Variants in FARP1 observed in about 807,000 individuals in gnomAD.
FARP1 encodes the protein FERM, ARHGEF and pleckstrin domain-containing protein 1.
FARP1 carries 52 observed loss-of-function variants against 128.8 expected under a neutral mutation model. The observed-to-expected ratio is 0.40, with a 90% CI of 0.32 to 0.51. The LOEUF is 0.51. Among genes scored for constraint, FARP1 ranks in the 20% least tolerant of loss-of-function variants. The pLI, the probability that FARP1 is intolerant of heterozygous loss-of-function variation, is 0.45. For missense variants in FARP1, 1,333 were observed against 1,367.9 expected (o/e 0.97, Z 0.40); for synonymous variants, 580 against 551.8 (o/e 1.05, Z -0.72).
rs146265799 is a variant in FARP1 at position 98,385,538 on chromosome 13, T to A, written c.612-129T>A. ...AGTGAATGGGAGATTGGGTGTCATC[T>A]GATCGGGTAGCCCCAGTGTTTGTGA... On this transcript the variant is annotated intron_variant, in intron 7 of 26. Coordinates refer to ENST00000319562, the MANE Select transcript of FARP1 (RefSeq NM_005766.4). 4.1e-6 allele frequency: 4 copies of A among 976,242 alleles called. No homozygotes were observed. The African/African-American group carries it at 4.9e-5, about 12-fold the overall frequency. The allele number at this position is 976,242 out of a possible 1,614,324, so 60.5% of individuals were successfully genotyped here.
intron 13 of FARP1, chr13:98,402,981 G>A (rs766416112): frequency 6.6e-6 from 1 of 152,034 alleles, no homozygotes; most frequent in Non-Finnish European, 1.5e-5. Flanking sequence ...TGTCTTGTCA[G>A]CATGTACCTA....
At chr13:98,439,242 G>A (rs1250234899) in intron 21 of FARP1, 46 bp downstream of exon 21, 1 of 1,359,496 alleles carries the variant, frequency 7.4e-7, no homozygotes, top group Admixed American at 1.9e-5. Flanking sequence ...CTCGGGGGCA[G>A]CAGGTGCGGG....
At chr13:98,155,636 A>C (rs560422513) in intron 1 of FARP1, among the ~76,000 whole-genome samples, 18 of 152,018 alleles carry the variant, frequency 1.2e-4, no homozygotes, top group Non-Finnish European at 2.4e-4. Flanking sequence ...CTTCCACTTC[A>C]GCCTCCCAAG....
intron 2 of FARP1, among the ~76,000 whole-genome samples, chr13:98,281,372 GAAA>G (rs35996699): frequency 1.3e-5 from 2 of 148,880 alleles, no homozygotes; most frequent in African/African-American, 5.0e-5. Context: ...GTCTTGGAGG[GAAA>G]AAAAAAAAAG....
intron 2 of FARP1, among the ~76,000 whole-genome samples, chr13:98,313,345 C>G: frequency 6.6e-6 from 1 of 150,822 alleles, no homozygotes; most frequent in African/African-American, 2.4e-5. Flanking sequence ...CACACCTGCA[C>G]AAACGTGCAG....
intron 3 of FARP1, among the ~76,000 whole-genome samples, chr13:98,362,687 G>C (rs1304165577): frequency 2.6e-5 from 4 of 152,306 alleles, no homozygotes; most frequent in African/African-American, 9.6e-5. Context: ...TCTCCTCTGA[G>C]CTCCAGATGA....
At chr13:98,263,778 G>C (rs1223696005) in intron 2 of FARP1, among the ~76,000 whole-genome samples, 1 of 152,114 alleles carries the variant, frequency 6.6e-6, no homozygotes, top group African/African-American at 2.4e-5. Context: ...TCTTAGAATT[G>C]ATCTCACATT....
At chr13:98,177,275 A>G (rs376569445) in intron 1 of FARP1, 7 of 1,480,416 alleles carry the variant, frequency 4.7e-6, no homozygotes, top group African/African-American at 2.8e-5. Flanking sequence ...GGCGTGCGTC[A>G]CCCTTGCGTC....
At chr13:98,269,024 G>T (rs1884269784) in intron 2 of FARP1, among the ~76,000 whole-genome samples, 1 of 152,124 alleles carries the variant, frequency 6.6e-6, no homozygotes, top group South Asian at 2.1e-4. Flanking sequence ...GAGCCATCAT[G>T]CCCAGCCTCT....
At chr13:98,247,088 G>A (rs1389622885) in intron 2 of FARP1, among the ~76,000 whole-genome samples, 1 of 152,188 alleles carries the variant, frequency 6.6e-6, no homozygotes, top group Admixed American at 6.5e-5. Context: ...TTAACTGGGC[G>A]TGATGGCGCA....
intron 24 of FARP1, among the ~76,000 whole-genome samples, chr13:98,442,637 C>T (rs780564468): frequency 1.4e-4 from 22 of 152,190 alleles, no homozygotes; most frequent in Admixed American, 5.9e-4. Context: ...CAGGCCTGTG[C>T]GCAAAGCTTG....
At chr13:98,167,422 T>TC (rs397791081) in intron 1 of FARP1, among the ~76,000 whole-genome samples, 45 of 150,762 alleles carry the variant, frequency 3.0e-4, no homozygotes, top group African/African-American at 1.1e-3. Context: ...TTTTTTTTTT[T>TC]GGAAACAGTC....
intron 1 of FARP1, among the ~76,000 whole-genome samples, chr13:98,179,554 C>T (rs2139195875): frequency 6.6e-6 from 1 of 152,214 alleles, no homozygotes; most frequent in East Asian, 1.9e-4. Context: ...AAGGGAAGGC[C>T]TTATAATTTG....
chr13:98,296,149 G>A (rs1257399048), intron 2 of FARP1, among the ~76,000 whole-genome samples: 1 of 152,136 alleles, frequency 6.6e-6, no homozygotes, highest in Non-Finnish European at 1.5e-5. Context: ...GCATGTCCTG[G>A]TTTGAGAGCA....
intron 2 of FARP1, among the ~76,000 whole-genome samples, chr13:98,262,239 T>C (rs1386528587): frequency 1.3e-5 from 2 of 151,698 alleles, no homozygotes; most frequent in Non-Finnish European, 2.9e-5. Flanking sequence ...AGGCTGGTCT[T>C]GAACTCTGGA....
At chr13:98,268,805 T>TGC (rs1291153322) in intron 2 of FARP1, among the ~76,000 whole-genome samples, 66 of 151,832 alleles carry the variant, frequency 4.3e-4, no homozygotes, top group Non-Finnish European at 4.6e-4. Context: ...TGTGTGTGTG[T>TGC]GTGTGTGTGT....
At chr13:98,258,545 A>G (rs1232272054) in intron 2 of FARP1, among the ~76,000 whole-genome samples, 3 of 152,156 alleles carry the variant, frequency 2.0e-5, no homozygotes, top group Non-Finnish European at 4.4e-5. Flanking sequence ...AAAGATCTGA[A>G]TAGTGGCAAA....
rs11556829 is a variant in FARP1 at position 98,411,990 on chromosome 13, T to C, written c.1782T>C (p.Phe594=). 0.073 allele frequency: 118,061 copies of C among 1,613,718 alleles called. 4,969 individuals are homozygous for C. Among genetic ancestry groups the C allele is most frequent in the Non-Finnish European group, 0.085 (100,064 of 1,179,608 alleles). Residue 594 remains phenylalanine (F), a synonymous_variant, in exon 16 of 27, where the codon TTT becomes TTC. Transcript: ENST00000319562. ...IFPNFEPLHK[F]HTNFLKEIEQ... ...CGAATTTTGAACCTTTGCACAAATT[T>C]CATACTAATTTTCTCAAGGAAATTG...
At chr13:98,378,976 T>C (rs544139344) in intron 6 of FARP1, among the ~76,000 whole-genome samples, 1 of 84,436 alleles carries the variant, frequency 1.2e-5, no homozygotes, top group Non-Finnish European at 2.2e-5. Flanking sequence ...CAATATATAA[T>C]CTATATATAA....
Sources: gnomAD v4.1 joint callset for allele counts (sites outside exome capture counted in the v4.1 genomes callset) on GRCh38, gnomAD v4.1.1 for gene constraint, MANE v1.5 for transcripts, NCBI Gene and HGNC (gene_info 2026-07-23, HGNC 2026-07-21) for gene names.